KCTD21: variants seen among roughly 807,000 people sequenced by gnomAD.
The protein encoded by KCTD21 is BTB/POZ domain-containing protein KCTD21.
A neutral mutation model predicts 13.2 loss-of-function variants in KCTD21; 9 were observed. The observed-to-expected ratio is 0.68, with a 90% CI of 0.41 to 1.19. The LOEUF (loss-of-function observed/expected upper bound fraction) is 1.19, where lower values mean the gene tolerates loss of function less well. KCTD21 is among the 50% of genes most tolerant of loss of function. The probability of loss-of-function intolerance (pLI) is 0.01; values close to 1 mark genes in which losing one functional copy is unlikely to be tolerated. For missense variants in KCTD21, 303 were observed against 336.5 expected (o/e 0.90, Z 0.78); for synonymous variants, 142 against 137.4 (o/e 1.03, Z -0.23).
chr11:78,188,426 G>A (rs1298476605), intron 1 of KCTD21, 147 bp downstream of exon 1: 4 of 984,704 alleles, frequency 4.1e-6, no homozygotes, highest in South Asian at 9.4e-5. Flanking sequence ...CCCCTCCCCC[G>A]CACCACAGGC....
rs987656589 is a variant in KCTD21 at position 78,188,567 on chromosome 11, A to C, written c.-30+6T>G. ...AGCCCCGCGACCCCGGCCGTGCCGCACCCACCTCCTGCCCTCGCTCTGCAG... is the reference window on the plus strand; with the variant it reads ...AGCCCCGCGACCCCGGCCGTGCCGCCCCCACCTCCTGCCCTCGCTCTGCAG... On this transcript the variant is annotated splice_donor_region_variant and intron_variant, in intron 1 of 1. Transcript: ENST00000340067. 1.0e-6 allele frequency: 1 copy of C among 985,422 alleles called. No homozygotes were observed. Among genetic ancestry groups the C allele is most frequent in the African/African-American group, 1.7e-5 (1 of 57,178 alleles). The allele number at this position is 985,422 out of a possible 1,614,324, so 61.0% of individuals were successfully genotyped here.
At chr11:78,187,000 A>G (rs1023123290) in intron 1 of KCTD21, 9 of 985,308 alleles carry the variant, frequency 9.1e-6, no homozygotes, top group Non-Finnish European at 7.2e-6. Flanking sequence ...GGATTTTCAA[A>G]ACTTTTTAAT....
chr11:78,172,085 C>T lies in KCTD21; in HGVS notation c.*1687G>A, dbSNP rs1862295731. On this transcript the variant is annotated 3_prime_UTR_variant, in exon 2 of 2. Transcript: ENST00000340067. ...TGCCTGTGTCACCAGGCTTCCTTGG[C>T]TTTGAGGACCCCTGCCCAGTGGGGG... The T allele has an allele frequency of 6.6e-6, 1 of 152,374 alleles. No individual in the cohort carries two copies. 9.4% of individuals were successfully genotyped at this position (152,374 alleles called of 1,614,324 possible).
chr11:78,171,925 T>TC lies in KCTD21; in HGVS notation c.*1846dup, dbSNP rs1412936468. The TC allele has an allele frequency of 7.2e-5, 11 of 152,268 alleles. No individual in the cohort carries two copies. The highest frequency in any genetic ancestry group is 2.7e-4 in the African/African-American group (11 of 41,428). 9.4% of individuals were successfully genotyped at this position (152,268 alleles called of 1,614,324 possible). ...CTGGCAGAAAAGCTGTCAGAGAGACTCCTGGGTCCCACCGTAGGGGGAAAA... is the reference window on the plus strand; with the variant it reads ...CTGGCAGAAAAGCTGTCAGAGAGACTCCCTGGGTCCCACCGTAGGGGGAAAA... On this transcript the variant is annotated 3_prime_UTR_variant, in exon 2 of 2. Coordinates refer to ENST00000340067, the MANE Select transcript of KCTD21 (RefSeq NM_001029859.3).
At chr11:78,176,062 A>T (rs1306523317) in intron 1 of KCTD21, among the ~76,000 whole-genome samples, 2 of 152,194 alleles carry the variant, frequency 1.3e-5, no homozygotes, top group Non-Finnish European at 2.9e-5. Flanking sequence ...AAAGGACATG[A>T]ACTCATCATT....
chr11:78,177,795 A>C (rs1862498027), intron 1 of KCTD21: 1 of 152,306 alleles, frequency 6.6e-6, no homozygotes, highest in Non-Finnish European at 1.5e-5. Flanking sequence ...TCCATGGGTC[A>C]CAGACCCTTA....
chr11:78,174,348 G>T lies in KCTD21; in HGVS notation c.207C>A (p.Asp69Glu). 1 of 1,614,106 alleles carries T rather than the reference G, an allele frequency of 6.2e-7. No homozygotes were observed. Among genetic ancestry groups the T allele is most frequent in the Non-Finnish European group, 8.5e-7 (1 of 1,180,030 alleles). Residue 69 changes from aspartate (D) to glutamate (E), a missense_variant, in exon 2 of 2, where the codon GAC (aspartate) becomes GAA (glutamate). Transcript: ENST00000340067. ...ILNFLRTSHL[D>E]LPEDFQEMGL... Reference sequence around the variant, plus strand: ...CCATCTCCTGGAAGTCCTCAGGCAGGTCAAGGTGGGAGGTCCGCAGGAAGT... The same window carrying T: ...CCATCTCCTGGAAGTCCTCAGGCAGTTCAAGGTGGGAGGTCCGCAGGAAGT...
rs977966071 is a variant in KCTD21 at position 78,172,675 on chromosome 11, T to C, written c.*1097A>G. 6.6e-6 allele frequency: 1 copy of C among 152,170 alleles called. No homozygotes were observed. The highest frequency in any genetic ancestry group is 2.4e-5 in the African/African-American group (1 of 41,428). 9.4% of individuals were successfully genotyped at this position (152,170 alleles called of 1,614,324 possible). ...AAGCAAAGATATATAACTGGGTGAA[T>C]GGGAAGGTCTGCAACCAAGATCCAG... On this transcript the variant is annotated 3_prime_UTR_variant, in exon 2 of 2. Transcript: ENST00000340067.
intron 1 of KCTD21, among the ~76,000 whole-genome samples, chr11:78,183,907 T>C (rs1862700501): frequency 6.6e-6 from 1 of 152,090 alleles, no homozygotes. Flanking sequence ...AGTGCTGGGA[T>C]TACAGGCGTG....
intron 1 of KCTD21, among the ~76,000 whole-genome samples, chr11:78,186,371 C>CAAAAAAAAAAAAAAAAAAAAAA (rs57748403): frequency 4.4e-5 from 2 of 45,808 alleles, no homozygotes; most frequent in African/African-American, 1.7e-4. Context: ...GACCCTGTCT[C>CAAAAAAAAAAAAAAAAAAAAAA]AAAAAAAAAA....
rs112438916 is a variant in KCTD21, at chr11:78,180,772, G to C, written c.-29-6189C>G. On this transcript the variant is annotated intron_variant, in intron 1 of 1. Transcript: ENST00000340067. ...GCTGTTGAAAATAGTTTGACATATGGTATGGTTTGGCTCTGTGTCCCCACC... is the reference window on the plus strand; with the variant it reads ...GCTGTTGAAAATAGTTTGACATATGCTATGGTTTGGCTCTGTGTCCCCACC... Among the ~76,000 whole-genome samples, 434 of 152,294 alleles carry C rather than the reference G, an allele frequency of 2.8e-3. 3 individuals carry two copies. Among genetic ancestry groups the C allele is most frequent in the African/African-American group, 9.7e-3 (402 of 41,558 alleles).
intron 1 of KCTD21, among the ~76,000 whole-genome samples, chr11:78,182,293 A>C: frequency 1.9e-5 from 2 of 107,110 alleles, no homozygotes; most frequent in South Asian, 2.9e-4. Flanking sequence ...CCTTATCCCA[A>C]AGCACCCCCC....
intron 1 of KCTD21, chr11:78,177,995 G>A (rs1439351130): frequency 6.6e-6 from 1 of 152,268 alleles, no homozygotes; most frequent in African/African-American, 2.4e-5. Context: ...TCTGGGGAGA[G>A]CAGCACAGTT....
Position 78,186,945 on chromosome 11 carries a change from G to A in KCTD21, c.-30+1628C>T, listed in dbSNP as rs149548917. The stretch of plus-strand genomic sequence containing the variant: ...CAGAAGCACGTAGAATAGGGGAAGA[G>A]GAAGAAATTTCTCTCCTGTTTAGTC... On this transcript the variant is annotated intron_variant, in intron 1 of 1. Transcript: ENST00000340067. 5 of 985,340 alleles carry A rather than the reference G, an allele frequency of 5.1e-6. No homozygotes were observed. In the Admixed American group the frequency reaches 3.1e-4, roughly 61 times the overall value. 61.0% of individuals were successfully genotyped at this position (985,340 alleles called of 1,614,324 possible). A position where few individuals can be genotyped will look rare whatever the true frequency, so the allele number is the denominator to read the frequency against.
intron 1 of KCTD21, chr11:78,188,308 C>T (rs922119298): frequency 6.1e-6 from 6 of 984,884 alleles, no homozygotes; most frequent in South Asian, 9.4e-5. Flanking sequence ...CAGTCCCGAC[C>T]CTCATTATCC....
chr11:78,173,729 G>A lies in KCTD21; in HGVS notation c.*43C>T, dbSNP rs373870024. On this transcript the variant is annotated 3_prime_UTR_variant, in exon 2 of 2. Coordinates refer to ENST00000340067, the MANE Select transcript of KCTD21 (RefSeq NM_001029859.3). ...ATGCCCTCCAAGACCTGGCTGACAT[G>A]AGCTTCCTGGGACTCCCCATCTCCA... is the stretch of plus-strand genomic sequence containing the variant. The A allele has an allele frequency of 3.2e-5, 50 of 1,542,322 alleles. No individual in the cohort carries two copies. Among genetic ancestry groups the A allele is most frequent in the Middle Eastern group, 3.5e-4 (2 of 5,774 alleles).
Position 78,173,855 on chromosome 11 carries a change from C to T in KCTD21, c.700G>A (p.Asp234Asn), listed in dbSNP as rs202161857. 1.3e-5 allele frequency: 21 copies of T among 1,614,174 alleles called. No individual in the cohort carries two copies. The African/African-American group carries it at 2.1e-4, about 16-fold the overall frequency. The change falls in exon 2 of 2, where the codon GAT becomes AAT. Residue 234 changes from aspartate to asparagine, a missense_variant. By Grantham distance (23) the Asp-to-Asn change is conservative (BLOSUM62 1). Transcript: ENST00000340067. ...TGAGAAGAATCGATGCAGAAGCCAT[C>T]GCTCAGAGCGATTTTCAGTACCTCT... Reference protein sequence around the residue: ...VEEVLKIALSDGFCIDSSHPH... With the variant: ...VEEVLKIALSNGFCIDSSHPH...
intron 1 of KCTD21, among the ~76,000 whole-genome samples, chr11:78,180,964 T>C (rs1456299056): frequency 6.6e-6 from 1 of 152,184 alleles, no homozygotes; most frequent in African/African-American, 2.4e-5. Flanking sequence ...CACTTCTCCT[T>C]GCTGCTGCCA....
At chr11:78,178,231 C>G (rs927436427) in intron 1 of KCTD21, among the ~76,000 whole-genome samples, 3 of 151,598 alleles carry the variant, frequency 2.0e-5, no homozygotes, top group African/African-American at 7.3e-5. Flanking sequence ...ATTCAAGCGA[C>G]ACTCCTGCCT....
Sources: gnomAD v4.1 joint callset for allele counts (sites outside exome capture counted in the v4.1 genomes callset) on GRCh38, gnomAD v4.1.1 for gene constraint, MANE v1.5 for transcripts, NCBI Gene and HGNC (gene_info 2026-07-23, HGNC 2026-07-21) for gene names.